Variants in SEMA3E observed in about 807,000 individuals in gnomAD.
SEMA3E encodes the protein semaphorin 3E, also known as semaphorin-3E.
SEMA3E carries 49 observed loss-of-function variants against 93.6 expected under a neutral mutation model. The observed-to-expected ratio is 0.52, with a 90% CI of 0.42 to 0.66. The LOEUF is 0.66. SEMA3E is among the 30% of genes least tolerant of loss of function. The probability of loss-of-function intolerance (pLI) is 0.00; values close to 1 mark genes in which losing one functional copy is unlikely to be tolerated. For missense variants in SEMA3E, 906 were observed against 964.8 expected (o/e 0.94, Z 0.81); for synonymous variants, 363 against 330.7 (o/e 1.10, Z -1.06).
At chr7:83,418,543 C>T (rs1562773542) in intron 4 of SEMA3E, 60 bp from the exon 5 acceptor site, 2 of 1,155,142 alleles carry the variant, frequency 1.7e-6, no homozygotes, top group East Asian at 5.0e-5. Context: ...CATTTAATTC[C>T]TTAGGTAAAA....
At position 83,410,322 on chromosome 7, in the gene SEMA3E, A is replaced by G. The variant is rs185517042; in HGVS notation, c.551-1835T>C. On this transcript the variant is annotated intron_variant, in intron 5 of 16. Coordinates refer to ENST00000643230, the MANE Select transcript of SEMA3E (RefSeq NM_012431.3). ...TTTACTTCAAATTTCTTTGTATTTG[A>G]AAATTTTCAAGATCACAGAGTTTTT... Among the ~76,000 whole-genome samples, 13 of 152,166 alleles carry G rather than the reference A, an allele frequency of 8.5e-5. No individual in the cohort carries two copies. The East Asian group carries it at 1.9e-3, about 23-fold the overall frequency.
At chr7:83,605,512 A>C in intron 1 of SEMA3E, among the ~76,000 whole-genome samples, 1 of 147,626 alleles carries the variant, frequency 6.8e-6, no homozygotes. Context: ...TTCACTGCAA[A>C]CTCCACCTCC....
chr7:83,613,459 T>C (rs936341321), intron 1 of SEMA3E, among the ~76,000 whole-genome samples: 3 of 152,044 alleles, frequency 2.0e-5, no homozygotes, highest in African/African-American at 4.8e-5. Context: ...CAGAAAGTGC[T>C]CTTTCTTTAC....
At chr7:83,397,622 T>C (rs1284443224) in intron 11 of SEMA3E, among the ~76,000 whole-genome samples, 3 of 152,182 alleles carry the variant, frequency 2.0e-5, no homozygotes, top group African/African-American at 7.2e-5. Context: ...TAAAATTCCA[T>C]CTAATTTTTA....
chr7:83,452,317 T>C (rs1032100567), intron 4 of SEMA3E, among the ~76,000 whole-genome samples: 5 of 152,114 alleles, frequency 3.3e-5, no homozygotes, highest in Non-Finnish European at 5.9e-5. Flanking sequence ...TTTATATTTG[T>C]TCAAGTGGGG....
intron 1 of SEMA3E, among the ~76,000 whole-genome samples, chr7:83,628,860 G>A (rs149200653): frequency 1.8e-3 from 278 of 152,018 alleles, no homozygotes; most frequent in African/African-American, 6.4e-3. Context: ...GGAGGAGAAG[G>A]GGCATTCTAG....
intron 1 of SEMA3E, among the ~76,000 whole-genome samples, chr7:83,498,547 G>A (rs898338708): frequency 6.6e-6 from 1 of 151,494 alleles, no homozygotes; most frequent in East Asian, 1.9e-4. Flanking sequence ...GTGCGATCTC[G>A]GCTCACTGCA....
At chr7:83,533,734 C>A (rs957362930) in intron 1 of SEMA3E, among the ~76,000 whole-genome samples, 2 of 151,966 alleles carry the variant, frequency 1.3e-5, no homozygotes, top group East Asian at 1.9e-4. Context: ...AACTTCCTTA[C>A]GTTTTATTAT....
At chr7:83,447,858 A>G in intron 4 of SEMA3E, among the ~76,000 whole-genome samples, 1 of 152,120 alleles carries the variant, frequency 6.6e-6, no homozygotes, top group East Asian at 1.9e-4. Flanking sequence ...AGGCTCATAT[A>G]TTGTTTTTTT....
In SEMA3E at chr7:83,385,515, C is replaced by T. The variant is rs933642895; in HGVS notation, c.1736-82G>A. On this transcript the variant is annotated intron_variant, in intron 15 of 16. Coordinates refer to ENST00000643230, the MANE Select transcript of SEMA3E (RefSeq NM_012431.3). ...TTTTCAAACATTATTTAGATCCCTGCAGTAACATGATTAACTCATTACTTA... is the reference window on the plus strand; with the variant it reads ...TTTTCAAACATTATTTAGATCCCTGTAGTAACATGATTAACTCATTACTTA... 6.1e-6 allele frequency: 8 copies of T among 1,318,754 alleles called. No homozygotes were observed. In the East Asian group the frequency reaches 6.9e-5, roughly 11 times the overall value. The allele number at this position is 1,318,754 out of a possible 1,614,324, so 81.7% of individuals were successfully genotyped here. A position where few individuals can be genotyped will look rare whatever the true frequency, so the allele number is the denominator to read the frequency against.
At chr7:83,613,328 G>T (rs1398637374) in intron 1 of SEMA3E, among the ~76,000 whole-genome samples, 2 of 151,958 alleles carry the variant, frequency 1.3e-5, no homozygotes, top group Non-Finnish European at 2.9e-5. Flanking sequence ...AAACATGGAA[G>T]GAATTATCAA....
At chr7:83,524,672 T>A (rs1205224639) in intron 1 of SEMA3E, among the ~76,000 whole-genome samples, 1 of 152,182 alleles carries the variant, frequency 6.6e-6, no homozygotes, top group East Asian at 1.9e-4. Context: ...CTTTCTGATC[T>A]ACTTTTAATT....
At chr7:83,565,036 T>C (rs1007935269) in intron 1 of SEMA3E, among the ~76,000 whole-genome samples, 1 of 152,026 alleles carries the variant, frequency 6.6e-6, no homozygotes, top group Non-Finnish European at 1.5e-5. Flanking sequence ...CCCACAGAAA[T>C]ACAAACTACC....
chr7:83,491,537 T>G (rs1790384310), intron 1 of SEMA3E, among the ~76,000 whole-genome samples: 1 of 152,020 alleles, frequency 6.6e-6, no homozygotes, highest in Non-Finnish European at 1.5e-5. Flanking sequence ...TTTCTCTTAT[T>G]GAGTTAGCTT....
At chr7:83,545,955 G>T (rs1232250499) in intron 1 of SEMA3E, among the ~76,000 whole-genome samples, 1 of 146,460 alleles carries the variant, frequency 6.8e-6, no homozygotes, top group African/African-American at 2.5e-5. Flanking sequence ...TGCTAGGAAT[G>T]TTTAGAAATG....
chr7:83,402,654 AC>A lies in SEMA3E; in HGVS notation c.1120del (p.Val374SerfsTer13), dbSNP rs1334846028. On this transcript the variant is annotated frameshift_variant, in exon 10 of 17. Transcript: ENST00000643230. LOFTEE classifies it high-confidence loss of function. The part of the protein sequence containing the change: ...EYHWSVYEGK[V>X]PYPRPGSCAS... Reference sequence around the variant, plus strand: ...TACAGAACCAGGCCTTGGATAAGGGACTTTTCCTTCATAGACTGACCAGTGG... The same window carrying A: ...TACAGAACCAGGCCTTGGATAAGGGATTTTCCTTCATAGACTGACCAGTGG... The A allele has an allele frequency of 1.2e-6, 2 of 1,612,820 alleles. No homozygotes were observed. The highest frequency in any genetic ancestry group is 2.7e-5 in the African/African-American group (2 of 74,994).
chr7:83,626,412 CT>C (rs1370575742), intron 1 of SEMA3E, among the ~76,000 whole-genome samples: 1 of 152,128 alleles, frequency 6.6e-6, no homozygotes, highest in African/African-American at 2.4e-5. Flanking sequence ...AGGGATTCAA[CT>C]TCCTCCTGGT....
At chr7:83,423,974 T>A (rs573837121) in intron 4 of SEMA3E, among the ~76,000 whole-genome samples, 3 of 152,342 alleles carry the variant, frequency 2.0e-5, no homozygotes, top group African/African-American at 7.2e-5. Flanking sequence ...GTATGTTTTT[T>A]GCAGATTATA....
At chr7:83,623,924 C>T (rs541158224) in intron 1 of SEMA3E, among the ~76,000 whole-genome samples, 1 of 147,878 alleles carries the variant, frequency 6.8e-6, no homozygotes, top group South Asian at 2.2e-4. Context: ...CCTCCCTGTG[C>T]CCATGTGTTC....
Sources: allele counts gnomAD v4.1 joint callset (sites outside exome capture counted in the v4.1 genomes callset), GRCh38; gene constraint gnomAD v4.1.1; transcripts MANE v1.5; gene names NCBI Gene and HGNC (gene_info 2026-07-23, HGNC 2026-07-21).